ZNF423: variants seen among roughly 807,000 people sequenced by gnomAD.
The protein encoded by ZNF423 is Ebf-associated zinc finger protein.
Under a neutral mutation model 95.8 loss-of-function variants are expected in ZNF423, and 12 were observed. The observed-to-expected ratio is 0.13, with a 90% CI of 0.08 to 0.20. The LOEUF is 0.20. Among genes scored for constraint, ZNF423 ranks in the 10% least tolerant of loss-of-function variants. ZNF423 has a pLI of 1.00. For missense variants in ZNF423, 1,316 were observed against 1,737.1 expected (o/e 0.76, Z 4.31); for synonymous variants, 749 against 711.9 (o/e 1.05, Z -0.83).
chr16:49,809,744 G>C (rs1597029687), intron 1 of ZNF423, among the ~76,000 whole-genome samples: 1 of 152,168 alleles, frequency 6.6e-6, no homozygotes, highest in African/African-American at 2.4e-5. Context: ...ACTTCTGATG[G>C]CCTCCAAAGT....
upstream of ZNF423, among the ~76,000 whole-genome samples, chr16:49,858,937 A>C (rs1187443924): frequency 6.6e-6 from 1 of 152,018 alleles, no homozygotes; most frequent in Non-Finnish European, 1.5e-5. The surrounding 1 kb of genome is among the most constrained non-coding windows in gnomAD (Gnocchi z 4.3). Context: ...GAGGGGGACG[A>C]TTGGCCTCGG....
chr16:49,712,699 T>C (rs1219717589), intron 3 of ZNF423, among the ~76,000 whole-genome samples: 2 of 152,244 alleles, frequency 1.3e-5, no homozygotes, highest in Non-Finnish European at 2.9e-5. Flanking sequence ...CAAATAAAAA[T>C]AGCTTTGGTG....
intron 5 of ZNF423, among the ~76,000 whole-genome samples, chr16:49,528,289 G>C (rs1968697445): frequency 6.6e-6 from 1 of 151,984 alleles, no homozygotes. Flanking sequence ...TCATCAGCTG[G>C]TCCCCCCTGA....
intron 3 of ZNF423, among the ~76,000 whole-genome samples, chr16:49,705,475 C>T (rs891930700): frequency 3.9e-5 from 6 of 152,118 alleles, no homozygotes; most frequent in Non-Finnish European, 7.4e-5. Context: ...CTCTGGATCT[C>T]TAGGTTATAA....
At chr16:49,824,232 G>A (rs182774392) in intron 1 of ZNF423, among the ~76,000 whole-genome samples, 17 of 152,184 alleles carry the variant, frequency 1.1e-4, no homozygotes, top group African/African-American at 2.7e-4. Flanking sequence ...CAGGCATTGC[G>A]TCTCCAGCCA....
chr16:49,637,673 A>G lies in ZNF423; in HGVS notation c.1503T>C (p.Asn501=). 6.2e-7 allele frequency: 1 copy of G among 1,614,138 alleles called. No individual in the cohort carries two copies. Among genetic ancestry groups the G allele is most frequent in the African/African-American group, 1.3e-5 (1 of 75,058 alleles). The change falls in exon 4 of 8, where the codon AAT becomes AAC. Residue 501 remains asparagine, a synonymous_variant. Coordinates refer to ENST00000563137, the MANE Select transcript of ZNF423 (RefSeq NM_001379286.1). This position sits in a 1 kb window ranked among gnomAD's most constrained non-coding sequence, Gnocchi z 5.6. ...AGACGCGGATGTGCTCCTGCAGGCTATTGATGTCGGCGAACATCTCGGGGC... is the reference window on the plus strand; with the variant it reads ...AGACGCGGATGTGCTCCTGCAGGCTGTTGATGTCGGCGAACATCTCGGGGC... ...NYCPEMFADI[N]SLQEHIRVSH...
At chr16:49,669,087 T>C (rs776238070) in intron 3 of ZNF423, among the ~76,000 whole-genome samples, 4 of 151,988 alleles carry the variant, frequency 2.6e-5, no homozygotes, top group Admixed American at 1.3e-4. Flanking sequence ...CCTAGCACTT[T>C]GGGAGGCCGA....
chr16:49,716,046 C>G (rs769869279), intron 3 of ZNF423, among the ~76,000 whole-genome samples: 1 of 151,938 alleles, frequency 6.6e-6, no homozygotes, highest in East Asian at 1.9e-4. Flanking sequence ...CAGGGCCAGG[C>G]AGGGGAGTGG....
intron 3 of ZNF423, among the ~76,000 whole-genome samples, chr16:49,674,569 A>G (rs2030965105): frequency 1.3e-5 from 2 of 152,242 alleles, no homozygotes; most frequent in African/African-American, 2.4e-5. Context: ...CCCCTGCACC[A>G]CCAGGCGGAA....
chr16:49,640,584 GC>G (rs1972939056), intron 3 of ZNF423, among the ~76,000 whole-genome samples: 1 of 134,688 alleles, frequency 7.4e-6, no homozygotes, highest in African/African-American at 2.8e-5. Flanking sequence ...CCTAGGCCCC[GC>G]CCCCACCCCC....
intron 6 of ZNF423, among the ~76,000 whole-genome samples, chr16:49,524,748 G>A (rs886758729): frequency 1.3e-5 from 2 of 152,236 alleles, no homozygotes; most frequent in Admixed American, 1.3e-4. Flanking sequence ...CAGATGTCGG[G>A]GGAGGCAGGG....
At chr16:49,510,794 A>G (rs913748048) in intron 7 of ZNF423, among the ~76,000 whole-genome samples, 3 of 152,202 alleles carry the variant, frequency 2.0e-5, no homozygotes, top group African/African-American at 7.2e-5. Flanking sequence ...ACTGTTACTA[A>G]GAAACTGAAG....
At chr16:49,820,487 T>C (rs950772894) in intron 1 of ZNF423, among the ~76,000 whole-genome samples, 2 of 152,276 alleles carry the variant, frequency 1.3e-5, no homozygotes, top group South Asian at 2.1e-4. Context: ...TAAAGACATT[T>C]CTTTCCAACT....
intron 1 of ZNF423, among the ~76,000 whole-genome samples, chr16:49,796,493 C>T (rs185223601): frequency 7.2e-5 from 11 of 152,178 alleles, no homozygotes; most frequent in African/African-American, 2.7e-4. Context: ...GGAAAAAGGG[C>T]CCAGAACACA....
intron 7 of ZNF423, among the ~76,000 whole-genome samples, chr16:49,498,422 C>G (rs1325426807): frequency 2.6e-5 from 4 of 152,214 alleles, no homozygotes; most frequent in Admixed American, 6.5e-5. Context: ...TTGGCAGAAG[C>G]ACAGGGTATG....
intron 2 of ZNF423, among the ~76,000 whole-genome samples, chr16:49,766,982 T>C (rs965962376): frequency 1.3e-5 from 2 of 151,872 alleles, no homozygotes; most frequent in Non-Finnish European, 2.9e-5. Context: ...TTTCTTTTTT[T>C]TTTTTAGAGG....
At chr16:49,505,915 C>T (rs1453164707) in intron 7 of ZNF423, among the ~76,000 whole-genome samples, 1 of 152,204 alleles carries the variant, frequency 6.6e-6, no homozygotes, top group Non-Finnish European at 1.5e-5. Flanking sequence ...ACCTGCCCCA[C>T]AATGATCAAG....
rs530562798 is a variant in ZNF423, at chr16:49,716,352, G to A, written c.301+14419C>T. On this transcript the variant is annotated intron_variant, in intron 3 of 7. Coordinates refer to ENST00000563137, the MANE Select transcript of ZNF423 (RefSeq NM_001379286.1). ...GCTCAGCCAAGCCCTTGGAGAGGCT[G>A]AGACACTCCATATCCAAGGGCGGGG... Among the ~76,000 whole-genome samples the A allele has an allele frequency of 3.9e-5, 6 of 152,228 alleles. No individual in the cohort carries two copies. The South Asian group carries it at 1.2e-3, about 32-fold the overall frequency.
chr16:49,766,269 G>A (rs2033927187), intron 2 of ZNF423, among the ~76,000 whole-genome samples: 1 of 152,136 alleles, frequency 6.6e-6, no homozygotes. Flanking sequence ...GTTTTTTTAA[G>A]TGAAGGTTTG....
Sources: allele counts gnomAD v4.1 joint callset (sites outside exome capture counted in the v4.1 genomes callset), GRCh38; gene constraint gnomAD v4.1.1; non-coding constraint Gnocchi (gnomAD v3.1); transcripts MANE v1.5; gene names NCBI Gene and HGNC (gene_info 2026-07-23, HGNC 2026-07-21).